Variants in WDR48 observed in about 807,000 individuals in gnomAD.
WDR48 encodes WD repeat-containing protein 48.
Under a neutral mutation model 94.0 loss-of-function variants are expected in WDR48, and 22 were observed. The ratio of observed to expected loss-of-function variants is 0.23; its 90% confidence interval spans 0.17 to 0.33. WDR48 has a LOEUF of 0.33. WDR48 is among the 10% of genes least tolerant of loss of function. The pLI, the probability that WDR48 is intolerant of heterozygous loss-of-function variation, is 1.00. For synonymous variants in WDR48, 278 were observed against 280.5 expected, an observed-to-expected ratio of 0.99 and a Z score of 0.09; for missense variants, 541 against 813.8, an observed-to-expected ratio of 0.66 and a Z score of 4.08.
intron 7 of WDR48, among the ~76,000 whole-genome samples, chr3:39,071,030 G>T (rs1249475068): frequency 6.6e-6 from 1 of 152,110 alleles, no homozygotes. Context: ...TTTTATGGCT[G>T]CATCGTATTC....
At chr3:39,055,023 T>A (rs1479919896) in intron 1 of WDR48, among the ~76,000 whole-genome samples, 1 of 152,232 alleles carries the variant, frequency 6.6e-6, no homozygotes, top group Non-Finnish European at 1.5e-5. Flanking sequence ...ACCACATTAT[T>A]TGCTCTTATA....
chr3:39,084,661 T>C lies in WDR48; in HGVS notation c.1298T>C (p.Leu433Ser). 6.2e-7 allele frequency: 1 copy of C among 1,613,766 alleles called. No homozygotes were observed. Among genetic ancestry groups the C allele is most frequent in the Non-Finnish European group, 8.5e-7 (1 of 1,179,856 alleles). The change falls in exon 13 of 19, where the codon TTG becomes TCG. Residue 433 changes from leucine to serine, a missense_variant. Transcript: ENST00000302313. ...TTTTGATAGATGTTAACTATTACTTTGGATGAAAGTGATTGTTTTGCTGCC... is the reference window on the plus strand; with the variant it reads ...TTTTGATAGATGTTAACTATTACTTCGGATGAAAGTGATTGTTTTGCTGCC... ...DLKTGMLTIT[L>S]DESDCFAAWV...
At chr3:39,084,022 A>C in intron 11 of WDR48, 133 bp from the exon 12 acceptor site, 1 of 562,174 alleles carries the variant, frequency 1.8e-6, no homozygotes, top group Non-Finnish European at 2.9e-6. Flanking sequence ...AAAGGACCAC[A>C]TTCTTTTTGA....
chr3:39,084,739 A>T lies in WDR48; in HGVS notation c.1376A>T (p.Lys459Ile). The T allele has an allele frequency of 2.5e-6, 4 of 1,612,824 alleles. No individual in the cohort carries two copies. Among genetic ancestry groups the T allele is most frequent in the Non-Finnish European group, 3.4e-6 (4 of 1,179,474 alleles). The stretch of plus-strand genomic sequence containing the variant: ...AGCAGCCCTGATGGGTCAGATCCAA[A>T]ATGTGAGTTTAAGTGTCCTTCATTT... ...GFSSPDGSDP[K>I]LNLGGLLLQA... The change falls in exon 13 of 19, where the codon AAA (lysine) becomes ATA (isoleucine). Residue 459 changes from lysine to isoleucine, a missense_variant and splice_region_variant. By Grantham distance (102) the Lys-to-Ile change is moderately radical. Transcript: ENST00000302313.
intron 9 of WDR48, chr3:39,077,897 G>T: frequency 2.7e-6 from 1 of 372,584 alleles, no homozygotes; most frequent in Non-Finnish European, 4.9e-6. Flanking sequence ...ATTTTACCTG[G>T]AAGAGCACTC....
intron 1 of WDR48, among the ~76,000 whole-genome samples, chr3:39,062,696 A>G (rs113024986): frequency 6.6e-5 from 10 of 152,332 alleles, no homozygotes; most frequent in African/African-American, 1.9e-4. Context: ...ATTTACATCC[A>G]ATCATGAGTC....
At chr3:39,073,589 C>T (rs1176905599) in intron 7 of WDR48, among the ~76,000 whole-genome samples, 1 of 152,180 alleles carries the variant, frequency 6.6e-6, no homozygotes, top group Non-Finnish European at 1.5e-5. Context: ...CTAAGGAAAT[C>T]AAGTTTTTAT....
At chr3:39,073,720 T>C (rs558607260) in intron 7 of WDR48, among the ~76,000 whole-genome samples, 1 of 152,332 alleles carries the variant, frequency 6.6e-6, no homozygotes, top group South Asian at 2.1e-4. Flanking sequence ...GCAGCTTCTA[T>C]GTAGTTGACT....
intron 1 of WDR48, among the ~76,000 whole-genome samples, chr3:39,058,480 C>T (rs1330687420): frequency 1.3e-5 from 2 of 152,136 alleles, no homozygotes; most frequent in African/African-American, 4.8e-5. Flanking sequence ...CTTGCCTTAA[C>T]CAGTCAGATA....
At chr3:39,064,692 T>C (rs551186920) in intron 2 of WDR48, among the ~76,000 whole-genome samples, 1 of 152,278 alleles carries the variant, frequency 6.6e-6, no homozygotes, top group South Asian at 2.1e-4. Context: ...GACCTTGTAT[T>C]TTTAAAAGTT....
At chr3:39,092,983 G>C (rs1268017960) in intron 17 of WDR48, among the ~76,000 whole-genome samples, 5 of 151,952 alleles carry the variant, frequency 3.3e-5, no homozygotes, top group Non-Finnish European at 7.4e-5. Flanking sequence ...TCAGAGCGTA[G>C]GCCTTAGTTT....
chr3:39,053,043 T>G (rs1333535823), intron 1 of WDR48, among the ~76,000 whole-genome samples: 1 of 152,228 alleles, frequency 6.6e-6, no homozygotes, highest in East Asian at 1.9e-4. Flanking sequence ...AAAATAGTTA[T>G]TGCCACTTAA....
At chr3:39,087,365 A>C (rs2034865047) in intron 14 of WDR48, among the ~76,000 whole-genome samples, 1 of 152,130 alleles carries the variant, frequency 6.6e-6, no homozygotes, top group South Asian at 2.1e-4. Context: ...TTACTACTTG[A>C]TGGCTTATGT....
At chr3:39,079,275 G>A (rs560743836) in intron 10 of WDR48, among the ~76,000 whole-genome samples, 155 of 152,290 alleles carry the variant, frequency 1.0e-3, no homozygotes, top group African/African-American at 3.6e-3. Context: ...TTAGAATTTT[G>A]TATGGCACAT....
intron 2 of WDR48, among the ~76,000 whole-genome samples, chr3:39,063,900 G>A (rs114747079): frequency 0.014 from 2,193 of 152,286 alleles, 20 homozygotes; most frequent in South Asian, 0.035. Flanking sequence ...TGAGTGAGCC[G>A]TGATCACACC....
intron 10 of WDR48, among the ~76,000 whole-genome samples, chr3:39,078,998 C>T (rs1176812973): frequency 1.3e-5 from 2 of 149,036 alleles, no homozygotes; most frequent in Non-Finnish European, 3.0e-5. Context: ...CCACTGCACT[C>T]CAGCCTGGGC....
intron 11 of WDR48, 28 bp from the exon 12 acceptor site, chr3:39,084,123 TATTG>T (rs775876448): frequency 1.6e-6 from 2 of 1,217,616 alleles, no homozygotes; most frequent in Non-Finnish European, 1.1e-6. Context: ...CACCACTTAA[TATTG>T]ATCATTATAC....
chr3:39,077,128 T>C lies in WDR48; in HGVS notation c.898-11T>C, dbSNP rs779750980. Reference sequence around the variant, plus strand: ...ATTCCACAAAGCAATATTTTTGTGCTTTGTTTTCAGATGGAGCTTGATAGA... The same window carrying C: ...ATTCCACAAAGCAATATTTTTGTGCCTTGTTTTCAGATGGAGCTTGATAGA... On this transcript the variant is annotated splice_polypyrimidine_tract_variant and intron_variant, in intron 8 of 18. Transcript: ENST00000302313. 6.2e-7 allele frequency: 1 copy of C among 1,614,176 alleles called. No homozygotes were observed. Among genetic ancestry groups the C allele is most frequent in the East Asian group, 2.2e-5 (1 of 44,880 alleles).
chr3:39,074,260 T>G (rs1009976041), intron 7 of WDR48, among the ~76,000 whole-genome samples: 1 of 152,254 alleles, frequency 6.6e-6, no homozygotes, highest in African/African-American at 2.4e-5. Context: ...AAGGCAGTTC[T>G]GCTCAGAGAT....
Sources: gnomAD v4.1 joint callset for allele counts (sites outside exome capture counted in the v4.1 genomes callset) on GRCh38, gnomAD v4.1.1 for gene constraint, MANE v1.5 for transcripts, NCBI Gene and HGNC (gene_info 2026-07-23, HGNC 2026-07-21) for gene names.